Variants in COMMD10 observed in about 807,000 individuals in gnomAD.
COMMD10 encodes COMM domain-containing protein 10.
In COMMD10, 33 loss-of-function variants were observed where a neutral mutation model predicts 28.9. The observed-to-expected ratio is 1.14, with a 90% confidence interval of 0.87 to 1.53. COMMD10 has a LOEUF of 1.53. Ranked by LOEUF, COMMD10 falls within the 40% of genes most tolerant of loss-of-function variation. COMMD10 has a pLI of 0.00. For synonymous variants in COMMD10, 110 were observed against 81.7 expected (o/e 1.35, Z -1.87); for missense variants, 310 against 233.4 (o/e 1.33, Z -2.14).
chr5:116,143,688 A>G (rs1752259634), intron 5 of COMMD10, among the ~76,000 whole-genome samples: 1 of 151,888 alleles, frequency 6.6e-6, no homozygotes, highest in Non-Finnish European at 1.5e-5. Context: ...ATATTTTGAC[A>G]TAAAAGTATT....
At chr5:116,181,367 A>G (rs1413062932) in intron 5 of COMMD10, among the ~76,000 whole-genome samples, 1 of 150,706 alleles carries the variant, frequency 6.6e-6, no homozygotes, top group African/African-American at 2.5e-5. Flanking sequence ...ATTATGCTTT[A>G]TATCTTCTAT....
At chr5:116,188,639 C>CTCTTTTT (rs1554099295) in intron 5 of COMMD10, 2 of 133,812 alleles carry the variant, frequency 1.5e-5, no homozygotes, top group African/African-American at 5.9e-5. Context: ...CTCTCTCTCT[C>CTCTTTTT]TTTTTTTTTT....
At chr5:116,201,520 C>T (rs1748666037) in intron 5 of COMMD10, among the ~76,000 whole-genome samples, 1 of 152,162 alleles carries the variant, frequency 6.6e-6, no homozygotes, top group Non-Finnish European at 1.5e-5. Flanking sequence ...TTACAATTCT[C>T]TGTATTTACA....
intron 4 of COMMD10, among the ~76,000 whole-genome samples, chr5:116,097,980 T>A (rs1750521813): frequency 1.3e-5 from 2 of 152,186 alleles, no homozygotes; most frequent in African/African-American, 4.8e-5. Flanking sequence ...AGATTACAAT[T>A]GCACATGAGA....
intron 4 of COMMD10, among the ~76,000 whole-genome samples, chr5:116,105,036 G>C (rs1440834142): frequency 6.6e-6 from 1 of 152,154 alleles, no homozygotes; most frequent in Non-Finnish European, 1.5e-5. Flanking sequence ...TCTTGTGCTG[G>C]TTTTCAAAGG....
chr5:116,248,863 A>C (rs977108861), intron 5 of COMMD10, among the ~76,000 whole-genome samples: 1 of 152,000 alleles, frequency 6.6e-6, no homozygotes, highest in Non-Finnish European at 1.5e-5. Context: ...AAAACAAAAA[A>C]GCAATTTCTC....
chr5:116,269,609 A>G (rs1020942423), intron 5 of COMMD10, among the ~76,000 whole-genome samples: 2 of 151,934 alleles, frequency 1.3e-5, no homozygotes, highest in South Asian at 2.1e-4. Flanking sequence ...TTTAAATTGT[A>G]TGGTTTTCCC....
At position 116,275,277 on chromosome 5, in the gene COMMD10, A is replaced by T. The variant is rs1561404555; in HGVS notation, c.511-16240A>T. ...GCTAGTTCAAGCCACCATCATCACAAATTTAAATTACTAGTAGACTGCTCT... is the reference window on the plus strand; with the variant it reads ...GCTAGTTCAAGCCACCATCATCACATATTTAAATTACTAGTAGACTGCTCT... On this transcript the variant is annotated intron_variant, in intron 5 of 6. Coordinates refer to ENST00000274458, the MANE Select transcript of COMMD10 (RefSeq NM_016144.4). Among the ~76,000 whole-genome samples the T allele has an allele frequency of 6.6e-5, 10 of 151,902 alleles. No individual in the cohort carries two copies. The South Asian group carries it at 2.1e-3, about 32-fold the overall frequency.
At chr5:116,262,342 G>A (rs1455772009) in intron 5 of COMMD10, among the ~76,000 whole-genome samples, 2 of 151,618 alleles carry the variant, frequency 1.3e-5, no homozygotes, top group African/African-American at 2.4e-5. Flanking sequence ...CAATTTCTTC[G>A]TGTTGCCTTT....
chr5:116,265,319 G>A (rs140135788), intron 5 of COMMD10, among the ~76,000 whole-genome samples: 2 of 151,708 alleles, frequency 1.3e-5, no homozygotes, highest in African/African-American at 4.9e-5. Context: ...AATTGACCTT[G>A]ATTATTCATG....
chr5:116,204,918 G>A (rs1203244141), intron 5 of COMMD10, among the ~76,000 whole-genome samples: 1 of 152,048 alleles, frequency 6.6e-6, no homozygotes, highest in Non-Finnish European at 1.5e-5. Flanking sequence ...AGTATCTAAA[G>A]GATATAGTCT....
intron 5 of COMMD10, among the ~76,000 whole-genome samples, chr5:116,148,979 C>T (rs1412720368): frequency 1.3e-5 from 2 of 150,510 alleles, no homozygotes; most frequent in African/African-American, 2.4e-5. Flanking sequence ...TTAGGTATAT[C>T]TCCTAAAGCT....
chr5:116,240,625 T>G (rs917608272), intron 5 of COMMD10, among the ~76,000 whole-genome samples: 2 of 152,120 alleles, frequency 1.3e-5, no homozygotes, highest in African/African-American at 2.4e-5. Context: ...AAGTTCCATT[T>G]TAAGAGTTTC....
chr5:116,148,302 A>T (rs1297423058), intron 5 of COMMD10, among the ~76,000 whole-genome samples: 1 of 151,920 alleles, frequency 6.6e-6, no homozygotes, highest in East Asian at 1.9e-4. Flanking sequence ...TTGTTAATTC[A>T]TGAGGTTTCT....
At chr5:116,284,600 A>AAGC (rs1580610883) in intron 5 of COMMD10, among the ~76,000 whole-genome samples, 1 of 151,908 alleles carries the variant, frequency 6.6e-6, no homozygotes, top group East Asian at 1.9e-4. Context: ...GGTAGGCAGG[A>AAGC]AGCACATGGA....
intron 5 of COMMD10, chr5:116,255,606 T>C (rs1362883755): frequency 1.3e-5 from 2 of 151,626 alleles, no homozygotes; most frequent in Non-Finnish European, 2.9e-5. Context: ...TTTGCTAATA[T>C]GTTGATGGGA....
At chr5:116,197,554 A>G (rs2112619615) in intron 5 of COMMD10, among the ~76,000 whole-genome samples, 1 of 151,432 alleles carries the variant, frequency 6.6e-6, no homozygotes, top group East Asian at 1.9e-4. Flanking sequence ...TTTTTATTTT[A>G]TTTTATTTTT....
At chr5:116,145,358 G>C (rs1441491308) in intron 5 of COMMD10, among the ~76,000 whole-genome samples, 2 of 151,850 alleles carry the variant, frequency 1.3e-5, no homozygotes, top group Non-Finnish European at 2.9e-5. Context: ...AGGTGCACAT[G>C]TGGAGTAGGT....
chr5:116,096,613 AACGTGATGCTGAATAGG>A lies in COMMD10; in HGVS notation c.399+3915_399+3931del, dbSNP rs573293423. On this transcript the variant is annotated intron_variant, in intron 4 of 6. Coordinates refer to ENST00000274458, the MANE Select transcript of COMMD10 (RefSeq NM_016144.4). ...CTTTATTTTACTGACAAGGACTTCC[AACGTGATGCTGAATAGG>A]AGTGGTAAGTCTGAATATCCTTGCC... is the stretch of plus-strand genomic sequence containing the variant. Among the ~76,000 whole-genome samples, 263 of 152,258 alleles carry A rather than the reference AACGTGATGCTGAATAGG, an allele frequency of 1.7e-3. 1 individual carries two copies. Among genetic ancestry groups the A allele is most frequent in the African/African-American group, 6.1e-3 (252 of 41,570 alleles).
Sources: allele counts gnomAD v4.1 joint callset (sites outside exome capture counted in the v4.1 genomes callset), GRCh38; gene constraint gnomAD v4.1.1; transcripts MANE v1.5; gene names NCBI Gene and HGNC (gene_info 2026-07-23, HGNC 2026-07-21).